FRMD3: variants seen among roughly 807,000 people sequenced by gnomAD.
The protein encoded by FRMD3 is FERM domain containing 3, also known as FERM domain-containing protein 3.
Under a neutral mutation model 70.2 loss-of-function variants are expected in FRMD3, and 33 were observed. The ratio of observed to expected loss-of-function variants is 0.47; its 90% confidence interval spans 0.36 to 0.63. FRMD3 has a LOEUF of 0.63. FRMD3 is among the 20% of genes least tolerant of loss of function. FRMD3 has a pLI of 0.00. For missense variants in FRMD3, 632 were observed against 711.4 expected (o/e 0.89, Z 1.27); for synonymous variants, 279 against 255.9 (o/e 1.09, Z -0.86).
intron 13 of FRMD3, among the ~76,000 whole-genome samples, chr9:83,275,677 T>TCAGA (rs1372814638): frequency 6.6e-6 from 1 of 152,210 alleles, no homozygotes; most frequent in African/African-American, 2.4e-5. Flanking sequence ...ATCTCCTCTC[T>TCAGA]GATTTACCTA....
intron 1 of FRMD3, among the ~76,000 whole-genome samples, chr9:83,462,808 C>G (rs778535912): frequency 6.6e-6 from 1 of 152,142 alleles, no homozygotes; most frequent in Non-Finnish European, 1.5e-5. Context: ...TCATTAATAT[C>G]TCAATGAACT....
chr9:83,331,103 A>AT (rs1454064503), intron 6 of FRMD3, among the ~76,000 whole-genome samples: 2 of 152,214 alleles, frequency 1.3e-5, no homozygotes, highest in African/African-American at 4.8e-5. Context: ...GGTGTTTGGT[A>AT]TTTACCCAAA....
intron 3 of FRMD3, among the ~76,000 whole-genome samples, chr9:83,366,159 A>G (rs1360774220): frequency 1.3e-5 from 2 of 152,064 alleles, no homozygotes; most frequent in Non-Finnish European, 2.9e-5. Context: ...GGTGGAGAGA[A>G]AGGGAAAAGC....
intron 1 of FRMD3, among the ~76,000 whole-genome samples, chr9:83,417,361 C>A (rs1826487835): frequency 6.6e-6 from 1 of 152,168 alleles, no homozygotes; most frequent in Non-Finnish European, 1.5e-5. Flanking sequence ...TGTAAACTCA[C>A]CTGTATGTGT....
chr9:83,452,318 T>C (rs1010196143), intron 1 of FRMD3, among the ~76,000 whole-genome samples: 3 of 152,174 alleles, frequency 2.0e-5, no homozygotes, highest in South Asian at 2.1e-4. Context: ...CTCAAGCCCA[T>C]GTGTGAGGTG....
At chr9:83,545,064 T>G in the FRMD3 span, among the ~76,000 whole-genome samples, 1 of 151,460 alleles carries the variant, frequency 6.6e-6, no homozygotes, top group Admixed American at 6.6e-5. Flanking sequence ...AGATAAAGAA[T>G]TAAAAATATA....
At chr9:83,386,064 A>G (rs1008354360) in intron 2 of FRMD3, among the ~76,000 whole-genome samples, 1 of 152,172 alleles carries the variant, frequency 6.6e-6, no homozygotes, top group Non-Finnish European at 1.5e-5. Flanking sequence ...CTAAGCATTG[A>G]TATACCTTAT....
the FRMD3 span, among the ~76,000 whole-genome samples, chr9:83,550,259 T>C: frequency 6.6e-6 from 1 of 152,176 alleles, no homozygotes; most frequent in South Asian, 2.1e-4. Flanking sequence ...TGGTCGTAGA[T>C]GTGTGGCCTT....
intron 3 of FRMD3, among the ~76,000 whole-genome samples, chr9:83,359,938 A>T (rs889203258): frequency 2.0e-5 from 3 of 152,202 alleles, no homozygotes; most frequent in African/African-American, 7.2e-5. Context: ...AAGTGCAGGG[A>T]AGAAACCAAC....
intron 3 of FRMD3, among the ~76,000 whole-genome samples, chr9:83,365,186 A>G (rs1824749427): frequency 6.6e-6 from 1 of 152,228 alleles, no homozygotes; most frequent in African/African-American, 2.4e-5. Flanking sequence ...TAAATGCCGT[A>G]AAGAATCTCA....
At chr9:83,347,748 A>C (rs1198358714) in intron 4 of FRMD3, among the ~76,000 whole-genome samples, 1 of 152,266 alleles carries the variant, frequency 6.6e-6, no homozygotes, top group Non-Finnish European at 1.5e-5. Flanking sequence ...ATAACAATTT[A>C]TCATACAAGA....
At chr9:83,456,327 G>A (rs1827815407) in intron 1 of FRMD3, among the ~76,000 whole-genome samples, 1 of 152,172 alleles carries the variant, frequency 6.6e-6, no homozygotes, top group African/African-American at 2.4e-5. Context: ...TGGAGAGGTT[G>A]TTTTCAAATC....
At chr9:83,400,588 A>T (rs1825926654) in intron 1 of FRMD3, among the ~76,000 whole-genome samples, 1 of 152,196 alleles carries the variant, frequency 6.6e-6, no homozygotes, top group South Asian at 2.1e-4. Flanking sequence ...CACAGTATTG[A>T]TGACAAACAA....
intron 1 of FRMD3, among the ~76,000 whole-genome samples, chr9:83,487,247 T>C (rs1828708285): frequency 6.6e-6 from 1 of 152,188 alleles, no homozygotes; most frequent in Non-Finnish European, 1.5e-5. Flanking sequence ...AAAAGGCCAC[T>C]GAAAAGCCAC....
chr9:83,421,558 A>G (rs1253198676), intron 1 of FRMD3, among the ~76,000 whole-genome samples: 4 of 152,194 alleles, frequency 2.6e-5, no homozygotes, highest in Non-Finnish European at 5.9e-5. Flanking sequence ...CAAAACCCAT[A>G]GAAACCATGC....
chr9:83,521,509 G>A (rs1292671197), intron 1 of FRMD3, among the ~76,000 whole-genome samples: 2 of 152,136 alleles, frequency 1.3e-5, no homozygotes, highest in African/African-American at 4.8e-5. Flanking sequence ...AAAAAGAACT[G>A]GCAAACGCCA....
intron 1 of FRMD3, among the ~76,000 whole-genome samples, chr9:83,434,064 A>T (rs1827059714): frequency 6.6e-6 from 1 of 152,202 alleles, no homozygotes; most frequent in South Asian, 2.1e-4. Context: ...TCCAAGCCTG[A>T]AAGACATCTG....
At chr9:83,342,407 TG>T (rs1467140798) in intron 5 of FRMD3, among the ~76,000 whole-genome samples, 1 of 151,980 alleles carries the variant, frequency 6.6e-6, no homozygotes, top group African/African-American at 2.4e-5. Context: ...TGGTGCAGAG[TG>T]GTCTCTGAAA....
intron 2 of FRMD3, among the ~76,000 whole-genome samples, chr9:83,384,001 T>C (rs1825436797): frequency 6.6e-6 from 1 of 152,208 alleles, no homozygotes; most frequent in African/African-American, 2.4e-5. Context: ...TCAGTGTTCA[T>C]ACCTTGAGCC....
Sources: allele counts gnomAD v4.1 joint callset (sites outside exome capture counted in the v4.1 genomes callset), GRCh38; gene constraint gnomAD v4.1.1; transcripts MANE v1.5; gene names NCBI Gene and HGNC (gene_info 2026-07-23, HGNC 2026-07-21).